The following ANKRD36B variants were observed in gnomAD, a reference collection of about 807,000 sequenced individuals.
ANKRD36B encodes ankyrin repeat domain-containing protein 36B.
In ANKRD36B, 37 loss-of-function variants were observed where a neutral mutation model predicts 135.7. That is an observed-to-expected ratio of 0.27 (90% CI 0.21 to 0.36). ANKRD36B has a LOEUF of 0.36. Ranked by LOEUF, ANKRD36B falls within the 10% of genes least tolerant of loss-of-function variation. ANKRD36B has a pLI of 1.00. For missense variants in ANKRD36B, 549 were observed against 1,037.1 expected (o/e 0.53, Z 6.46); for synonymous variants, 179 against 348.1 (o/e 0.51, Z 5.41).
rs563971846 is a variant in ANKRD36B, at chr2:97,569,530, A to G, written c.763+6849T>C. 2.0e-5 allele frequency among the ~76,000 whole-genome samples: 3 copies of G among 150,992 alleles called. No homozygotes were observed. The South Asian group carries it at 6.3e-4, about 32-fold the overall frequency. ...TATAGAAGGTACAATACCAAGAGGG[A>G]ACTTAAATATAAACTATGGACTTTG... On this transcript the variant is annotated intron_variant, in intron 6 of 43. Coordinates refer to ENST00000359901, the MANE Select transcript of ANKRD36B (RefSeq NM_001393939.1).
rs186800373 is a variant in ANKRD36B at position 97,547,364 on chromosome 2, T to C, written c.1579+172A>G. On this transcript the variant is annotated intron_variant, in intron 22 of 43. Transcript: ENST00000359901. ...GTGTATAACCTTACTGCGAAGATCA[T>C]GTTCCAGACCAGCAGCAACACTATC... 10 of 790,566 alleles carry C rather than the reference T, an allele frequency of 1.3e-5. No homozygotes were observed. The East Asian group carries it at 2.3e-4, about 18-fold the overall frequency. The allele number at this position is 790,566 out of a possible 1,614,324, so 49.0% of individuals were successfully genotyped here.
chr2:97,564,283 A>G (rs565197623), intron 6 of ANKRD36B, among the ~76,000 whole-genome samples: 10 of 152,278 alleles, frequency 6.6e-5, no homozygotes, highest in Non-Finnish European at 1.2e-4. Context: ...TCTACCAAAG[A>G]GTCAGGATAG....
intron 8 of ANKRD36B, 50 bp downstream of exon 8, chr2:97,560,615 T>C: frequency 6.3e-7 from 1 of 1,594,238 alleles, no homozygotes; most frequent in Non-Finnish European, 8.5e-7. Flanking sequence ...GAAGGGAATT[T>C]CTCTTCTATC....
At chr2:97,583,289 C>T (rs1437187478) in intron 3 of ANKRD36B, among the ~76,000 whole-genome samples, 2 of 78,760 alleles carry the variant, frequency 2.5e-5, no homozygotes, top group Non-Finnish European at 5.0e-5. Flanking sequence ...ACTCAGAGTC[C>T]TGAAAGAGTC....
intron 4 of ANKRD36B, 84 bp downstream of exon 4, chr2:97,580,378 T>C (rs1224272524): frequency 7.5e-6 from 9 of 1,205,872 alleles, no homozygotes; most frequent in Non-Finnish European, 1.0e-5. Context: ...CTTACTAATG[T>C]AATATTTGTG....
At chr2:97,549,983 G>A (rs535099935) in intron 18 of ANKRD36B, among the ~76,000 whole-genome samples, 121 of 151,922 alleles carry the variant, frequency 8.0e-4, no homozygotes, top group Non-Finnish European at 1.3e-3. Context: ...GATCCCACAT[G>A]TCTTTCATGC....
chr2:97,547,078 A>G (rs1366797475), intron 22 of ANKRD36B: 1 of 152,254 alleles, frequency 6.6e-6, no homozygotes, highest in Non-Finnish European at 1.5e-5. Context: ...CTGCCTCACA[A>G]TCCATCTTCT....
intron 14 of ANKRD36B, 48 bp downstream of exon 14, chr2:97,555,012 T>C (rs780110292): frequency 8.1e-6 from 13 of 1,597,186 alleles, no homozygotes; most frequent in Non-Finnish European, 1.1e-5. Context: ...AGAGAAGTTC[T>C]TTTCTATCTG....
chr2:97,561,624 T>C (rs1397503413), intron 6 of ANKRD36B, among the ~76,000 whole-genome samples: 1 of 151,906 alleles, frequency 6.6e-6, no homozygotes, highest in Non-Finnish European at 1.5e-5. Flanking sequence ...TGAATAAGCT[T>C]TTACATCTGG....
intron 6 of ANKRD36B, among the ~76,000 whole-genome samples, chr2:97,574,336 G>A (rs1425884587): frequency 6.6e-6 from 1 of 152,164 alleles, no homozygotes; most frequent in East Asian, 1.9e-4. Context: ...AAACCACAGT[G>A]AGATACCATC....
At position 97,555,174 on chromosome 2, in the gene ANKRD36B, T is replaced by C. The variant is rs1462238944; in HGVS notation, c.1099-42A>G. The C allele has an allele frequency of 3.7e-6, 6 of 1,611,182 alleles. No homozygotes were observed. The Admixed American group carries it at 1.0e-4, about 27-fold the overall frequency. On this transcript the variant is annotated intron_variant, in intron 13 of 43. Coordinates refer to ENST00000359901, the MANE Select transcript of ANKRD36B (RefSeq NM_001393939.1). Reference sequence around the variant, plus strand: ...GCAAATTATCAATAAAGAAAGTATGTTTCATGGACTATACAGTTACTAATA... The same window carrying C: ...GCAAATTATCAATAAAGAAAGTATGCTTCATGGACTATACAGTTACTAATA...
chr2:97,525,562 G>T lies in ANKRD36B; in HGVS notation c.2266-2095C>A, dbSNP rs1156959721. On this transcript the variant is annotated intron_variant, in intron 35 of 43. Transcript: ENST00000359901. ...GCCAGACAGTGGGTGCAGGATAGTG[G>T]GTGCAGTGCACTGTGCATGACCTGA... 2.1e-5 allele frequency among the ~76,000 whole-genome samples: 2 copies of T among 95,992 alleles called. 1 individual carries two copies. The highest frequency in any genetic ancestry group is 5.5e-5 in the Non-Finnish European group (2 of 36,040). The allele number at this position is 95,992 out of a possible 152,430, so 63.0% of individuals were successfully genotyped here.
intron 8 of ANKRD36B, among the ~76,000 whole-genome samples, chr2:97,560,228 G>A (rs74734074): frequency 2.0e-5 from 3 of 151,772 alleles, no homozygotes; most frequent in East Asian, 1.9e-4. Flanking sequence ...AATAATTGCT[G>A]CATCAGTGGT....
At chr2:97,565,595 GA>G (rs34970786) in intron 6 of ANKRD36B, among the ~76,000 whole-genome samples, 74,579 of 145,292 alleles carry the variant, frequency 0.51, 18,476 homozygotes, top group Non-Finnish European at 0.62. Context: ...ACAAACATCT[GA>G]AAAAAAGCTC....
chr2:97,551,734 T>A (rs1359892944), intron 16 of ANKRD36B, among the ~76,000 whole-genome samples: 1 of 151,908 alleles, frequency 6.6e-6, no homozygotes, highest in East Asian at 1.9e-4. Flanking sequence ...AAATCAAAGG[T>A]TGTCAACATC....
At chr2:97,495,921 T>G (rs1271286694) in intron 43 of ANKRD36B, among the ~76,000 whole-genome samples, 1 of 107,460 alleles carries the variant, frequency 9.3e-6, no homozygotes, top group Non-Finnish European at 2.6e-5. Flanking sequence ...TGAATTATAC[T>G]TTGTAAGCCA....
chr2:97,573,208 C>A (rs1167329367), intron 6 of ANKRD36B, among the ~76,000 whole-genome samples: 1 of 152,088 alleles, frequency 6.6e-6, no homozygotes, highest in East Asian at 1.9e-4. Context: ...ATGATGGTTT[C>A]CAGCTTCATC....
chr2:97,575,952 T>C (rs1312059953), intron 6 of ANKRD36B, among the ~76,000 whole-genome samples: 2 of 151,630 alleles, frequency 1.3e-5, no homozygotes, highest in African/African-American at 4.8e-5. Context: ...GCATGGGGAT[T>C]GGCAGCACTA....
chr2:97,557,859 C>A (rs1175969534), intron 10 of ANKRD36B, among the ~76,000 whole-genome samples: 3 of 151,494 alleles, frequency 2.0e-5, no homozygotes, highest in Non-Finnish European at 2.9e-5. Context: ...CATACTTATA[C>A]AAAATAAAGT....
Sources: gnomAD v4.1 joint callset for allele counts (sites outside exome capture counted in the v4.1 genomes callset) on GRCh38, gnomAD v4.1.1 for gene constraint, MANE v1.5 for transcripts, NCBI Gene and HGNC (gene_info 2026-07-23, HGNC 2026-07-21) for gene names.